TAOK3: variants seen among roughly 807,000 people sequenced by gnomAD.
TAOK3 encodes serine/threonine-protein kinase TAO3.
Under a neutral mutation model 120.4 loss-of-function variants are expected in TAOK3, and 40 were observed. The ratio of observed to expected loss-of-function variants is 0.33; its 90% CI spans 0.26 to 0.43. The LOEUF is 0.43. TAOK3 is among the 20% of genes least tolerant of loss of function. TAOK3 has a pLI of 1.00. For synonymous variants in TAOK3, 355 were observed against 387.5 expected (o/e 0.92, Z 0.99); for missense variants, 821 against 1,112.1 (o/e 0.74, Z 3.72).
intron 1 of TAOK3, among the ~76,000 whole-genome samples, chr12:118,355,578 G>A (rs2045356967): frequency 1.3e-5 from 2 of 152,120 alleles, no homozygotes; most frequent in Non-Finnish European, 1.5e-5. Flanking sequence ...AAATAAGATC[G>A]GTGGATTTCA....
intron 1 of TAOK3, among the ~76,000 whole-genome samples, chr12:118,291,555 T>C (rs1055779993): frequency 6.6e-5 from 10 of 152,330 alleles, no homozygotes; most frequent in African/African-American, 2.4e-4. Context: ...ACTATTTCCA[T>C]ACACTGTTTT....
intron 9 of TAOK3, among the ~76,000 whole-genome samples, chr12:118,214,831 C>T (rs529803384): frequency 3.6e-4 from 54 of 151,496 alleles, no homozygotes; most frequent in African/African-American, 1.1e-3. Context: ...CTACAACCTC[C>T]GCCTCCCAGG....
At chr12:118,190,990 G>C (rs956076834) in intron 13 of TAOK3, among the ~76,000 whole-genome samples, 1 of 152,166 alleles carries the variant, frequency 6.6e-6, no homozygotes, top group Non-Finnish European at 1.5e-5. Context: ...GGTGGAAAAG[G>C]AGAAATTAAT....
intron 1 of TAOK3, among the ~76,000 whole-genome samples, chr12:118,339,260 C>G (rs1205488951): frequency 6.7e-6 from 1 of 149,256 alleles, no homozygotes; most frequent in Non-Finnish European, 1.5e-5. Flanking sequence ...TGAAAATTCT[C>G]CGTTCTTCAT....
At chr12:118,265,982 T>C (rs892712911) in intron 2 of TAOK3, among the ~76,000 whole-genome samples, 6 of 152,194 alleles carry the variant, frequency 3.9e-5, no homozygotes, top group Non-Finnish European at 8.8e-5. Flanking sequence ...AGAAGAAAAG[T>C]GATACGAAAC....
At chr12:118,356,774 T>C (rs1450121344) in intron 1 of TAOK3, among the ~76,000 whole-genome samples, 1 of 152,014 alleles carries the variant, frequency 6.6e-6, no homozygotes, top group East Asian at 1.9e-4. Flanking sequence ...TTTAAAAAAT[T>C]AGCCAGGCAT....
chr12:118,253,489 C>A (rs2040842930), intron 3 of TAOK3, among the ~76,000 whole-genome samples: 1 of 152,104 alleles, frequency 6.6e-6, no homozygotes, highest in Non-Finnish European at 1.5e-5. Flanking sequence ...GTAATCCCAG[C>A]ACTTTGGGGA....
Position 118,168,089 on chromosome 12 carries a change from T to C in TAOK3, c.1899+4368A>G, listed in dbSNP as rs576987502. On this transcript the variant is annotated intron_variant, in intron 17 of 20. Coordinates refer to ENST00000392533, the MANE Select transcript of TAOK3 (RefSeq NM_016281.4). ...GTCATATATAATATAGCTGTACATA[T>C]GTATATAGAAAAAAACCTAGAAATA... Among the ~76,000 whole-genome samples the C allele has an allele frequency of 3.3e-5, 5 of 152,288 alleles. No individual in the cohort carries two copies. The East Asian group carries it at 7.7e-4, about 23-fold the overall frequency.
Position 118,206,512 on chromosome 12 carries a change from A to T in TAOK3, c.820-5049T>A, listed in dbSNP as rs527957889. Reference sequence around the variant, plus strand: ...CTAGGTACATTCTAGGTAATTCTAAACCCGTGCATACCTTTCACACCTCTA... The same window carrying T: ...CTAGGTACATTCTAGGTAATTCTAATCCCGTGCATACCTTTCACACCTCTA... On this transcript the variant is annotated intron_variant, in intron 11 of 20. Transcript: ENST00000392533. Among the ~76,000 whole-genome samples, 11 of 152,050 alleles carry T rather than the reference A, an allele frequency of 7.2e-5. No individual in the cohort carries two copies. The South Asian group carries it at 1.7e-3, about 23-fold the overall frequency.
At chr12:118,190,714 T>C (rs192922032) in intron 13 of TAOK3, among the ~76,000 whole-genome samples, 1 of 152,354 alleles carries the variant, frequency 6.6e-6, no homozygotes, top group East Asian at 1.9e-4. Context: ...CCCATGCTTC[T>C]TGATAGGCAA....
rs1295328485 is a variant in TAOK3, at chr12:118,160,682, C to T, written c.2140-324G>A. Among the ~76,000 whole-genome samples, 2 of 152,158 alleles carry T rather than the reference C, an allele frequency of 1.3e-5. No homozygotes were observed. Among genetic ancestry groups the T allele is most frequent in the African/African-American group, 4.8e-5 (2 of 41,436 alleles). On this transcript the variant is annotated intron_variant, in intron 18 of 20. Transcript: ENST00000392533. The surrounding 1 kb of genome is among the most constrained non-coding windows in gnomAD (Gnocchi z 4.2). ...TTAGCTTGTTGAAAGAGTGGCAACT[C>T]TTTTCATGCTTTCCTAGTCAGACAC...
At chr12:118,244,234 T>C (rs1007086479) in intron 4 of TAOK3, among the ~76,000 whole-genome samples, 2 of 152,010 alleles carry the variant, frequency 1.3e-5, no homozygotes, top group African/African-American at 4.8e-5. Context: ...GCTAGTTTGT[T>C]TGATGTTTTG....
At chr12:118,344,597 T>TAAAA (rs2044773159) in intron 1 of TAOK3, among the ~76,000 whole-genome samples, 2 of 152,156 alleles carry the variant, frequency 1.3e-5, no homozygotes, top group Non-Finnish European at 2.9e-5. Flanking sequence ...AGTCCTGTTT[T>TAAAA]TTAACACTTG....
At chr12:118,329,438 T>C (rs566240782) in intron 1 of TAOK3, among the ~76,000 whole-genome samples, 1 of 152,236 alleles carries the variant, frequency 6.6e-6, no homozygotes, top group African/African-American at 2.4e-5. Context: ...AAATATTATA[T>C]CCATTTCAGA....
At position 118,372,257 on chromosome 12, in the gene TAOK3, C is replaced by G. The variant is rs568631823; in HGVS notation, c.-194+391G>C. On this transcript the variant is annotated intron_variant, in intron 1 of 20. Coordinates refer to ENST00000392533, the MANE Select transcript of TAOK3 (RefSeq NM_016281.4). The surrounding 1 kb of genome is among the most constrained non-coding windows in gnomAD (Gnocchi z 4.6). ...CCCTCTCGGGGACCCTTCCCCTCTC[C>G]CCGCTGTCCCTGACCTTTTCTGGGA... Among the ~76,000 whole-genome samples the G allele has an allele frequency of 1.6e-4, 25 of 151,698 alleles. No homozygotes were observed. The highest frequency in any genetic ancestry group is 5.8e-4 in the African/African-American group (24 of 41,330).
chr12:118,170,677 C>T (rs766712555), intron 17 of TAOK3, among the ~76,000 whole-genome samples: 3 of 152,094 alleles, frequency 2.0e-5, no homozygotes, highest in Non-Finnish European at 2.9e-5. Context: ...GTGGGAGGAT[C>T]GCTTGAACCT....
intron 1 of TAOK3, among the ~76,000 whole-genome samples, chr12:118,329,356 T>A (rs558970839): frequency 2.0e-5 from 3 of 152,314 alleles, no homozygotes; most frequent in African/African-American, 7.2e-5. Flanking sequence ...CCAGGATTTG[T>A]GTCCTGAAGG....
At chr12:118,274,319 C>A (rs75345802) in intron 1 of TAOK3, among the ~76,000 whole-genome samples, 2 of 152,240 alleles carry the variant, frequency 1.3e-5, no homozygotes, top group African/African-American at 4.8e-5. Context: ...AATATCCTCA[C>A]ATTTAAGAGC....
At chr12:118,196,050 A>AAATAAAT (rs2037708078) in intron 13 of TAOK3, among the ~76,000 whole-genome samples, 3 of 138,140 alleles carry the variant, frequency 2.2e-5, no homozygotes, top group Admixed American at 7.3e-5. Context: ...ACTCCATCTC[A>AAATAAAT]AAATAAATAA....
Sources: gnomAD v4.1 joint callset for allele counts (sites outside exome capture counted in the v4.1 genomes callset) on GRCh38, gnomAD v4.1.1 for gene constraint, Gnocchi (gnomAD v3.1) non-coding constraint, MANE v1.5 for transcripts, NCBI Gene and HGNC (gene_info 2026-07-23, HGNC 2026-07-21) for gene names.